APLF: variants seen among roughly 807,000 people sequenced by gnomAD.
The protein encoded by APLF is aprataxin and PNKP like factor, also known as aprataxin and PNK-like factor.
APLF carries 61 observed loss-of-function variants against 55.6 expected under a neutral mutation model. The observed-to-expected ratio is 1.10, with a 90% confidence interval of 0.89 to 1.36. APLF has a LOEUF of 1.36. Ranked by LOEUF, APLF falls within the 40% of genes most tolerant of loss-of-function variation. APLF has a pLI of 0.00. For synonymous variants in APLF, 207 were observed against 214.8 expected, an observed-to-expected ratio of 0.96 and a Z score of 0.32; for missense variants, 611 against 602.5, an observed-to-expected ratio of 1.01 and a Z score of -0.15.
intron 2 of APLF, 94 bp downstream of exon 2, chr2:68,490,355 G>A: frequency 3.1e-6 from 3 of 956,844 alleles, no homozygotes; most frequent in South Asian, 3.6e-5. Flanking sequence ...ATGGGAATAG[G>A]GAATTAATGT....
chr2:68,469,840 A>G (rs1217328277), intron 1 of APLF, among the ~76,000 whole-genome samples: 1 of 152,236 alleles, frequency 6.6e-6, no homozygotes, highest in African/African-American at 2.4e-5. Context: ...AATATAAATA[A>G]GGATGATTTT....
chr2:68,554,652 T>G (rs1029630534), intron 8 of APLF, among the ~76,000 whole-genome samples: 9 of 151,854 alleles, frequency 5.9e-5, no homozygotes, highest in African/African-American at 2.2e-4. Flanking sequence ...TTTTTTTTTT[T>G]GCAGCCATTA....
intron 1 of APLF, among the ~76,000 whole-genome samples, chr2:68,482,079 G>T (rs1346826062): frequency 1.3e-5 from 2 of 148,168 alleles, no homozygotes; most frequent in African/African-American, 5.2e-5. Flanking sequence ...TCTTTTTCTG[G>T]CATTTTATAA....
chr2:68,525,738 C>CTTTTTTTTTT (rs1316999754), intron 5 of APLF, among the ~76,000 whole-genome samples: 1 of 106,852 alleles, frequency 9.4e-6, no homozygotes, highest in African/African-American at 4.7e-5. Context: ...TATTTTCTTT[C>CTTTTTTTTTT]TTTCTTTTTT....
intron 8 of APLF, chr2:68,563,233 C>G: frequency 2.0e-6 from 2 of 985,220 alleles, no homozygotes; most frequent in Non-Finnish European, 2.4e-6. Flanking sequence ...ACAACTTTCC[C>G]CTTCTAAGGC....
chr2:68,518,786 TA>T (rs1159901420), intron 5 of APLF, among the ~76,000 whole-genome samples: 1 of 73,986 alleles, frequency 1.4e-5, no homozygotes, highest in Admixed American at 2.1e-4. Context: ...CATTATATAA[TA>T]AAATATTAAT....
chr2:68,578,580 G>A lies in APLF; in HGVS notation c.*558G>A, dbSNP rs992617822. 1.1e-5 allele frequency: 11 copies of A among 985,318 alleles called. No individual in the cohort carries two copies. In the African/African-American group the frequency reaches 1.9e-4, roughly 17 times the overall value. The allele number at this position is 985,318 out of a possible 1,614,324, so 61.0% of individuals were successfully genotyped here. ...ACTTGGGAAGATTGGTTCCAAATGG[G>A]TACTGAAAATAGATTCAACTAGGCT... On this transcript the variant is annotated 3_prime_UTR_variant, in exon 10 of 10. Transcript: ENST00000303795.
intron 6 of APLF, among the ~76,000 whole-genome samples, chr2:68,533,105 C>T (rs2103996380): frequency 6.6e-6 from 1 of 152,232 alleles, no homozygotes; most frequent in South Asian, 2.1e-4. Context: ...GGTTTACACT[C>T]TTTCACTCTT....
chr2:68,522,893 G>GCATTTGAA (rs1040244718), intron 5 of APLF, among the ~76,000 whole-genome samples: 1 of 151,746 alleles, frequency 6.6e-6, no homozygotes, highest in African/African-American at 2.4e-5. Context: ...TTAAAACAAG[G>GCATTTGAA]CATTTGAAGA....
chr2:68,475,267 A>G (rs1157704229), intron 1 of APLF, among the ~76,000 whole-genome samples: 1 of 152,222 alleles, frequency 6.6e-6, no homozygotes, highest in Non-Finnish European at 1.5e-5. Flanking sequence ...AGCATTCACT[A>G]TGTAAGCAGC....
chr2:68,531,008 T>G (rs1670238686), intron 6 of APLF, among the ~76,000 whole-genome samples: 1 of 152,216 alleles, frequency 6.6e-6, no homozygotes, highest in Admixed American at 6.5e-5. Context: ...AACCACCATT[T>G]TCTTGCTAAG....
chr2:68,501,174 G>T (rs1363156581), intron 2 of APLF, among the ~76,000 whole-genome samples: 4 of 151,944 alleles, frequency 2.6e-5, no homozygotes, highest in African/African-American at 9.7e-5. Context: ...CCGCTTTCTT[G>T]TAACAGATTT....
At chr2:68,496,598 GT>G (rs1676556319) in intron 2 of APLF, among the ~76,000 whole-genome samples, 1 of 152,154 alleles carries the variant, frequency 6.6e-6, no homozygotes, top group Non-Finnish European at 1.5e-5. Flanking sequence ...ATGTGTTTGA[GT>G]GCAGGTTGTT....
chr2:68,489,400 TTATC>T (rs1392648565), intron 1 of APLF, among the ~76,000 whole-genome samples: 1 of 152,208 alleles, frequency 6.6e-6, no homozygotes, highest in Non-Finnish European at 1.5e-5. Flanking sequence ...CATGTTTTCA[TTATC>T]TATCAATCAA....
chr2:68,495,359 G>T (rs1676512527), intron 2 of APLF, among the ~76,000 whole-genome samples: 1 of 152,172 alleles, frequency 6.6e-6, no homozygotes, highest in Admixed American at 6.5e-5. Flanking sequence ...CAAAACAAAG[G>T]GTCTGTAGGC....
intron 2 of APLF, among the ~76,000 whole-genome samples, chr2:68,499,678 A>G (rs1340102918): frequency 2.0e-5 from 3 of 152,036 alleles, no homozygotes; most frequent in Admixed American, 2.0e-4. Context: ...ATTGCTACTA[A>G]AAACACAAAA....
chr2:68,537,903 T>G lies in APLF; in HGVS notation c.836T>G (p.Leu279Ter). Reference protein sequence around the residue: ...EMPQSFSAITLSNTEMNNIKT... With the variant: ...EMPQSFSAIT ...CCACAATCATTTTCTGCAATCACAT[T>G]AAGTAACACAGAGATGAATAATATT... Residue 279 changes from leucine to a stop codon, truncating the protein, a stop_gained, in exon 7 of 10, where the codon TTA becomes TGA. Transcript: ENST00000303795. LOFTEE classifies it high-confidence loss of function. 6.3e-7 allele frequency: 1 copy of G among 1,588,624 alleles called. No individual in the cohort carries two copies. The highest frequency in any genetic ancestry group is 8.5e-7 in the Non-Finnish European group (1 of 1,169,706).
chr2:68,557,247 G>A (rs1299795915), intron 8 of APLF, among the ~76,000 whole-genome samples: 2 of 151,840 alleles, frequency 1.3e-5, no homozygotes, highest in Non-Finnish European at 1.5e-5. Flanking sequence ...CTAATAAAAT[G>A]TAAATACTAT....
intron 2 of APLF, among the ~76,000 whole-genome samples, chr2:68,498,876 T>C (rs545024057): frequency 3.3e-5 from 5 of 152,338 alleles, no homozygotes; most frequent in African/African-American, 1.2e-4. Context: ...CCTCAAAATA[T>C]ACGTCTTTGG....
Sources: allele counts gnomAD v4.1 joint callset (sites outside exome capture counted in the v4.1 genomes callset), GRCh38; gene constraint gnomAD v4.1.1; transcripts MANE v1.5; gene names NCBI Gene and HGNC (gene_info 2026-07-23, HGNC 2026-07-21).